STBD1: variants seen among roughly 807,000 people sequenced by gnomAD.
STBD1 encodes starch-binding domain-containing protein 1.
In STBD1, 13 loss-of-function variants were observed where a neutral mutation model predicts 10.5. The observed-to-expected ratio is 1.24, with a 90% CI of 0.81 to 1.97. STBD1 has a LOEUF of 1.97. STBD1 is among the 30% of genes most tolerant of loss of function. The pLI is 0.00. For synonymous variants in STBD1, 146 were observed against 160.2 expected (o/e 0.91, Z 0.67); for missense variants, 427 against 435.6 (o/e 0.98, Z 0.17).
At chr4:76,307,870 T>C (rs1718823927) in intron 1 of STBD1, among the ~76,000 whole-genome samples, 1 of 152,168 alleles carries the variant, frequency 6.6e-6, no homozygotes. Flanking sequence ...GTGGTGTTCA[T>C]GTGCAGCCAT....
In STBD1 at chr4:76,306,827, G is replaced by A. The variant is rs1321092116; in HGVS notation, c.58G>A (p.Val20Ile). The part of the protein sequence containing the change: ...VGGGLAGALF[V>I]WLLRGGPGDT... Reference sequence around the variant, plus strand: ...AGGGGGTCTGGCCGGAGCACTTTTCGTTTGGCTGCTGCGGGGCGGCCCTGG... The same window carrying A: ...AGGGGGTCTGGCCGGAGCACTTTTCATTTGGCTGCTGCGGGGCGGCCCTGG... Residue 20 changes from valine (V) to isoleucine (I), a missense_variant, in exon 1 of 2, where the codon GTT becomes ATT. Transcript: ENST00000237642. 2 of 1,612,306 alleles carry A rather than the reference G, an allele frequency of 1.2e-6. No homozygotes were observed. The highest frequency in any genetic ancestry group is 1.3e-5 in the African/African-American group (1 of 74,810).
At position 76,311,022 on chromosome 4, in the gene STBD1, T is replaced by C. The variant is rs998269893; in HGVS notation, c.*1022T>C. 2.6e-5 allele frequency: 4 copies of C among 152,224 alleles called. No individual in the cohort carries two copies. Among genetic ancestry groups the C allele is most frequent in the African/African-American group, 9.6e-5 (4 of 41,454 alleles). The allele number at this position is 152,224 out of a possible 1,614,324, so 9.4% of individuals were successfully genotyped here. A position where few individuals can be genotyped will look rare whatever the true frequency, so the allele number is the denominator to read the frequency against. On this transcript the variant is annotated 3_prime_UTR_variant, in exon 2 of 2. Coordinates refer to ENST00000237642, the MANE Select transcript of STBD1 (RefSeq NM_003943.5). The stretch of plus-strand genomic sequence containing the variant: ...CAGTCACTATCTTGGGTAACAAATT[T>C]ATACAGGACAGTGGTACAGAAATAC...
chr4:76,308,829 C>G (rs572851611), intron 1 of STBD1, among the ~76,000 whole-genome samples: 1 of 152,350 alleles, frequency 6.6e-6, no homozygotes, highest in Non-Finnish European at 1.5e-5. Context: ...CCAGTATGGC[C>G]TGGACTGTGG....
Position 76,309,754 on chromosome 4 carries a change from T to C in STBD1, c.831T>C (p.Asp277=). 1 of 1,614,244 alleles carries C rather than the reference T, an allele frequency of 6.2e-7. No individual in the cohort carries two copies. Among genetic ancestry groups the C allele is most frequent in the Non-Finnish European group, 8.5e-7 (1 of 1,180,048 alleles). The change falls in exon 2 of 2, where the codon GAT becomes GAC. Residue 277 remains aspartate, a synonymous_variant. Coordinates refer to ENST00000237642, the MANE Select transcript of STBD1 (RefSeq NM_003943.5). ...AGGTCCATTATGTCACAAGCACTGA[T>C]GTGCAATTCATTGCAGTAACTGGAG... ...RFQVHYVTST[D]VQFIAVTGDH... is the part of the protein sequence containing the mutation.
At chr4:76,307,052 G>C (rs1232273533) in intron 1 of STBD1, 63 bp downstream of exon 1, 1 of 1,507,828 alleles carries the variant, frequency 6.6e-7, no homozygotes, top group Non-Finnish European at 9.0e-7. Context: ...TCGAGGAAGG[G>C]AGCAAAGAGA....
chr4:76,309,220 A>G lies in STBD1; in HGVS notation c.297A>G (p.Arg99=), dbSNP rs149944592. 6.2e-7 allele frequency: 1 copy of G among 1,613,940 alleles called. No homozygotes were observed. Among genetic ancestry groups the G allele is most frequent in the Admixed American group, 1.7e-5 (1 of 59,976 alleles). Reference sequence around the variant, plus strand: ...GTAAACTGCAAGCAGCATCATGGAGATTGCAGAATCCTTCCAGGGAAGTCT... The same window carrying G: ...GTAAACTGCAAGCAGCATCATGGAGGTTGCAGAATCCTTCCAGGGAAGTCT... ...DLGKLQAASW[R]LQNPSREVCD... is the part of the protein sequence containing the mutation. Residue 99 remains arginine (R), a synonymous_variant, in exon 2 of 2, where the codon AGA becomes AGG. Coordinates refer to ENST00000237642, the MANE Select transcript of STBD1 (RefSeq NM_003943.5).
At chr4:76,307,228 C>T (rs543359542) in intron 1 of STBD1, among the ~76,000 whole-genome samples, 6 of 152,300 alleles carry the variant, frequency 3.9e-5, no homozygotes, top group Admixed American at 3.3e-4. Flanking sequence ...CCTCAGCGCC[C>T]GCGCCTGAGG....
At chr4:76,307,581 G>T (rs1415696120) in intron 1 of STBD1, among the ~76,000 whole-genome samples, 1 of 152,190 alleles carries the variant, frequency 6.6e-6, no homozygotes, top group Non-Finnish European at 1.5e-5. Context: ...ATGTGCCTTG[G>T]TCACCCCTTT....
intron 1 of STBD1, among the ~76,000 whole-genome samples, 167 bp downstream of exon 1, chr4:76,307,156 TG>T (rs1718797517): frequency 6.6e-6 from 1 of 152,120 alleles, no homozygotes; most frequent in Non-Finnish European, 1.5e-5. Flanking sequence ...TTTCCCAGGC[TG>T]GTTGGTACGC....
chr4:76,309,148 T>C lies in STBD1; in HGVS notation c.225T>C (p.His75=), dbSNP rs548419384. 1 of 1,571,206 alleles carries C rather than the reference T, an allele frequency of 6.4e-7. No individual in the cohort carries two copies. The highest frequency in any genetic ancestry group is 2.2e-5 in the East Asian group (1 of 44,482). Residue 75 remains histidine (H), a synonymous_variant, in exon 2 of 2, where the codon CAT becomes CAC. Transcript: ENST00000237642. ...ATTTTTCCTTTGATTTCTTAGAGCA[T>C]CTTCAAGAAAGCAATGGACATTTGA... ...SGQELVTKPE[H]LQESNGHLIS...
At position 76,306,981 on chromosome 4, in the gene STBD1, C is replaced by T. The variant is rs1167326210; in HGVS notation, c.212C>T (p.Thr71Ile). 1 of 1,592,442 alleles carries T rather than the reference C, an allele frequency of 6.3e-7. No homozygotes were observed. The highest frequency in any genetic ancestry group is 2.3e-5 in the East Asian group (1 of 44,284). ...SPGPSGQELV[T>I]KPEHLQESNG... ...GGACCTTCCGGGCAGGAGCTGGTCACCAAACCAGGTATTCTTCCCCCCGTG... is the reference window on the plus strand; with the variant it reads ...GGACCTTCCGGGCAGGAGCTGGTCATCAAACCAGGTATTCTTCCCCCCGTG... The change falls in exon 1 of 2, where the codon ACC (threonine) becomes ATC (isoleucine). Residue 71 changes from threonine to isoleucine, a missense_variant. Coordinates refer to ENST00000237642, the MANE Select transcript of STBD1 (RefSeq NM_003943.5).
Position 76,309,972 on chromosome 4 carries a change from T to A in STBD1, c.1049T>A (p.Val350Glu). Residue 350 changes from valine (V) to glutamate (E), a missense_variant, in exon 2 of 2, where the codon GTG becomes GAG. Transcript: ENST00000237642. ...CTAGAAACTGGCCATGAGGATAAAG[T>A]GGTTCACGCATGGTGGGGGATTCAC... ...RFLETGHEDK[V>E]VHAWWGIH The A allele has an allele frequency of 6.2e-7, 1 of 1,613,086 alleles. No individual in the cohort carries two copies. The highest frequency in any genetic ancestry group is 8.5e-7 in the Non-Finnish European group (1 of 1,179,844).
Position 76,306,795 on chromosome 4 carries a change from T to C in STBD1, c.26T>C (p.Leu9Pro), listed in dbSNP as rs1718779568. MGAVWSALLVGGGLAGALF... is the reference protein window; with the variant it reads MGAVWSALPVGGGLAGALF... ...ATGGGCGCCGTCTGGTCCGCCCTGC[T>C]GGTTGGAGGGGGTCTGGCCGGAGCA... The change falls in exon 1 of 2, where the codon CTG (leucine) becomes CCG (proline). Residue 9 changes from leucine to proline, a missense_variant. Physicochemically the swap from Leu to Pro is moderately conservative, Grantham distance 98. Coordinates refer to ENST00000237642, the MANE Select transcript of STBD1 (RefSeq NM_003943.5). 4.3e-6 allele frequency: 7 copies of C among 1,612,342 alleles called. No individual in the cohort carries two copies. Among genetic ancestry groups the C allele is most frequent in the Non-Finnish European group, 5.9e-6 (7 of 1,179,780 alleles).
chr4:76,308,213 G>A lies in STBD1; in HGVS notation c.221-931G>A, dbSNP rs147539541. ...GAACCCGGGAGACAGAGGTTGCAGT[G>A]AACCGAAATCGTACCACTGCACTCA... On this transcript the variant is annotated intron_variant, in intron 1 of 1. Transcript: ENST00000237642. Among the ~76,000 whole-genome samples, 148 of 137,218 alleles carry A rather than the reference G, an allele frequency of 1.1e-3. 2 individuals are homozygous for A. The East Asian group carries it at 0.032, about 29-fold the overall frequency. 90.0% of individuals were successfully genotyped at this position (137,218 alleles called of 152,430 possible). A position where few individuals can be genotyped will look rare whatever the true frequency, so the allele number is the denominator to read the frequency against.
chr4:76,309,823 C>T lies in STBD1; in HGVS notation c.900C>T (p.His300=), dbSNP rs757215501. 1 of 1,614,006 alleles carries T rather than the reference C, an allele frequency of 6.2e-7. No individual in the cohort carries two copies. The highest frequency in any genetic ancestry group is 8.5e-7 in the Non-Finnish European group (1 of 1,179,858). ...GATGGAACACTTACATCCCACTCCA[C>T]TATAACAAGGATGGGTTCTGGTCTC... The part of the protein sequence containing the change: ...LGRWNTYIPL[H]YNKDGFWSHS... The change falls in exon 2 of 2, where the codon CAC becomes CAT. Residue 300 remains histidine, a synonymous_variant. Transcript: ENST00000237642.
chr4:76,309,981 C>A lies in STBD1; in HGVS notation c.1058C>A (p.Ala353Glu), dbSNP rs527950885. ...ETGHEDKVVH[A>E]WWGIH ...GGCCATGAGGATAAAGTGGTTCACG[C>A]ATGGTGGGGGATTCACTGATTCAGT... Residue 353 changes from alanine to glutamate, a missense_variant, in exon 2 of 2, where the codon GCA becomes GAA. Physicochemically the swap from Ala to Glu is moderately radical, Grantham distance 107. Coordinates refer to ENST00000237642, the MANE Select transcript of STBD1 (RefSeq NM_003943.5). The A allele has an allele frequency of 6.2e-7, 1 of 1,611,696 alleles. No homozygotes were observed. Among genetic ancestry groups the A allele is most frequent in the African/African-American group, 1.3e-5 (1 of 74,972 alleles).
rs746779777 is a variant in STBD1, at chr4:76,309,303, C to T, written c.380C>T (p.Ala127Val). Residue 127 changes from alanine to valine, a missense_variant, in exon 2 of 2, where the codon GCT becomes GTT. Physicochemically the swap from Ala to Val is moderately conservative, Grantham distance 64. Coordinates refer to ENST00000237642, the MANE Select transcript of STBD1 (RefSeq NM_003943.5). ...CAGTTTCCAGACACAGAAGCTCCAGCTACCTCTGAGACCAGTAACTCTAGG... is the reference window on the plus strand; with the variant it reads ...CAGTTTCCAGACACAGAAGCTCCAGTTACCTCTGAGACCAGTAACTCTAGG... ...SGQFPDTEAP[A>V]TSETSNSRSY... 12 of 1,614,018 alleles carry T rather than the reference C, an allele frequency of 7.4e-6. No individual in the cohort carries two copies. In the South Asian group the frequency reaches 1.2e-4, roughly 16 times the overall value.
At chr4:76,309,056 C>A in intron 1 of STBD1, 88 bp from the exon 2 acceptor site, 1 of 1,500,950 alleles carries the variant, frequency 6.7e-7, no homozygotes, top group Non-Finnish European at 8.9e-7. Flanking sequence ...AGTAGTAAAG[C>A]TTTCAGTAAC....
rs13680 is a variant in STBD1, at chr4:76,310,890, G to A, written c.*890G>A. 0.015 allele frequency: 2,289 copies of A among 152,260 alleles called. 53 individuals carry two copies. Among genetic ancestry groups the A allele is most frequent in the African/African-American group, 0.053 (2,194 of 41,480 alleles). The allele number at this position is 152,260 out of a possible 1,614,324, so 9.4% of individuals were successfully genotyped here. On this transcript the variant is annotated 3_prime_UTR_variant, in exon 2 of 2. Coordinates refer to ENST00000237642, the MANE Select transcript of STBD1 (RefSeq NM_003943.5). ...CATTTACCCATGGGAGCATCTGTAG[G>A]ACCATCTCTCTCCCACTTCTTCTCC... is the stretch of plus-strand genomic sequence containing the variant.
Sources: allele counts gnomAD v4.1 joint callset (sites outside exome capture counted in the v4.1 genomes callset), GRCh38; gene constraint gnomAD v4.1.1; transcripts MANE v1.5; gene names NCBI Gene and HGNC (gene_info 2026-07-23, HGNC 2026-07-21).